The following TMEM154 variants were observed in gnomAD, a reference collection of about 807,000 sequenced individuals.
The protein encoded by TMEM154 is transmembrane protein 154.
TMEM154 carries 27 observed loss-of-function variants against 24.5 expected under a neutral mutation model. The observed-to-expected ratio is 1.10, with a 90% CI of 0.81 to 1.52. The LOEUF (loss-of-function observed/expected upper bound fraction) is 1.52. Among genes scored for constraint, TMEM154 ranks in the 40% most tolerant of loss-of-function variants. The probability of loss-of-function intolerance (pLI) is 0.00; values close to 1 mark genes in which losing one functional copy is unlikely to be tolerated. For missense variants in TMEM154, 228 were observed against 213.4 expected (o/e 1.07, Z -0.43); for synonymous variants, 67 against 76.8 (o/e 0.87, Z 0.67).
chr4:152,629,041 A>C (rs983295932), intron 6 of TMEM154, among the ~76,000 whole-genome samples: 1 of 152,210 alleles, frequency 6.6e-6, no homozygotes, highest in Non-Finnish European at 1.5e-5. Flanking sequence ...AATGGTGTCC[A>C]GCTTACAATT....
chr4:152,649,242 G>A (rs757140391), intron 3 of TMEM154, among the ~76,000 whole-genome samples: 4 of 152,182 alleles, frequency 2.6e-5, no homozygotes, highest in Admixed American at 6.5e-5. Flanking sequence ...TATTAGAGAC[G>A]TTCCTATCCT....
chr4:152,635,679 C>T (rs868338595), intron 6 of TMEM154, among the ~76,000 whole-genome samples: 2 of 152,124 alleles, frequency 1.3e-5, no homozygotes, highest in Non-Finnish European at 2.9e-5. Context: ...ATAATGACAT[C>T]GAGCTCAGAA....
At chr4:152,653,658 A>G (rs1481965628) in intron 1 of TMEM154, among the ~76,000 whole-genome samples, 6 of 151,840 alleles carry the variant, frequency 4.0e-5, no homozygotes, top group Admixed American at 3.9e-4. Context: ...CCAAAGTGCT[A>G]GAATTGCAGG....
chr4:152,672,423 C>T (rs1305151530), intron 1 of TMEM154, among the ~76,000 whole-genome samples: 1 of 152,124 alleles, frequency 6.6e-6, no homozygotes, highest in Non-Finnish European at 1.5e-5. Flanking sequence ...TCGTGAAGAT[C>T]AAGGATAAGA....
intron 1 of TMEM154, among the ~76,000 whole-genome samples, chr4:152,665,633 G>T (rs951636238): frequency 2.0e-5 from 3 of 152,152 alleles, no homozygotes; most frequent in African/African-American, 7.2e-5. Context: ...TAATAGAAGA[G>T]CTATCAGCAA....
intron 3 of TMEM154, among the ~76,000 whole-genome samples, chr4:152,650,050 G>A (rs1728343465): frequency 6.6e-6 from 1 of 152,124 alleles, no homozygotes; most frequent in South Asian, 2.1e-4. Flanking sequence ...TTTTTCTGGC[G>A]GAGGGTCTTG....
chr4:152,635,090 G>A (rs554126297), intron 6 of TMEM154, among the ~76,000 whole-genome samples: 1 of 152,292 alleles, frequency 6.6e-6, no homozygotes, highest in African/African-American at 2.4e-5. Context: ...AAAAAAATTA[G>A]AAGTGGTCAC....
chr4:152,635,150 G>A (rs1752124326), intron 6 of TMEM154, among the ~76,000 whole-genome samples: 1 of 152,214 alleles, frequency 6.6e-6, no homozygotes, highest in Non-Finnish European at 1.5e-5. Context: ...TAAAACTGCT[G>A]TTTTCTTGCA....
intron 1 of TMEM154, among the ~76,000 whole-genome samples, chr4:152,673,193 C>T (rs983881707): frequency 6.6e-6 from 1 of 151,892 alleles, no homozygotes; most frequent in Non-Finnish European, 1.5e-5. Context: ...CAATATATAG[C>T]GTAATTTTGG....
Position 152,628,585 on chromosome 4 carries a change from AAAAAAAAC to A in TMEM154, c.537-32_537-25del, listed in dbSNP as rs1317540232. 2.3e-4 allele frequency: 259 copies of A among 1,109,236 alleles called. 13 individuals are homozygous for A. The highest frequency in any genetic ancestry group is 5.2e-4 in the South Asian group (29 of 55,910). 68.7% of individuals were successfully genotyped at this position (1,109,236 alleles called of 1,614,324 possible). On this transcript the variant is annotated intron_variant, in intron 6 of 6. Transcript: ENST00000304385. ...CACTGTAAAAAAAAAAAAAAAAAAA[AAAAAAAAC>A]AAAAAAAACACACACACACACACAA...
chr4:152,662,026 G>A (rs529221284), intron 1 of TMEM154, among the ~76,000 whole-genome samples: 7 of 152,124 alleles, frequency 4.6e-5, no homozygotes, highest in Non-Finnish European at 8.8e-5. Context: ...TTCCATGACT[G>A]TATAGAGAGC....
chr4:152,630,383 A>G (rs565623883), intron 6 of TMEM154, among the ~76,000 whole-genome samples: 1 of 152,168 alleles, frequency 6.6e-6, no homozygotes, highest in South Asian at 2.1e-4. Flanking sequence ...AAACTTAGAA[A>G]TGTTTCATCT....
At chr4:152,639,662 G>C (rs1752218917) in intron 6 of TMEM154, 1 of 152,128 alleles carries the variant, frequency 6.6e-6, no homozygotes, top group African/African-American at 2.4e-5. Flanking sequence ...GCCCAGGCTG[G>C]AATGCAGTGG....
chr4:152,642,118 C>T (rs773344612), intron 5 of TMEM154, among the ~76,000 whole-genome samples: 16 of 151,570 alleles, frequency 1.1e-4, no homozygotes, highest in Non-Finnish European at 2.4e-4. Context: ...GGTGTTTCAC[C>T]ATGTTGGCCA....
chr4:152,672,038 T>G (rs1263314105), intron 1 of TMEM154, among the ~76,000 whole-genome samples: 1 of 148,896 alleles, frequency 6.7e-6, no homozygotes, highest in Non-Finnish European at 1.5e-5. Context: ...GAGGACGGCT[T>G]GAGCCCAAAA....
chr4:152,657,742 C>G (rs188282092), intron 1 of TMEM154, among the ~76,000 whole-genome samples: 1 of 151,962 alleles, frequency 6.6e-6, no homozygotes, highest in Non-Finnish European at 1.5e-5. Flanking sequence ...ATAAAGGAAC[C>G]CCTATCAGAC....
Position 152,679,937 on chromosome 4 carries a change from C to T in TMEM154, c.-4G>A, listed in dbSNP as rs1036563567. ...GGGCTGCGCGGGGAGCCTGCATGTC[C>T]GCTCGCCTCGGCAGAGGCGCGCTCA... On this transcript the variant is annotated 5_prime_UTR_variant, in exon 1 of 7. Transcript: ENST00000304385. 1.9e-6 allele frequency: 3 copies of T among 1,607,734 alleles called. No individual in the cohort carries two copies. The highest frequency in any genetic ancestry group is 4.5e-5 in the East Asian group (2 of 44,640).
rs879270896 is a variant in TMEM154 at position 152,625,237 on chromosome 4, T to C, written c.*3309A>G. On this transcript the variant is annotated 3_prime_UTR_variant, in exon 7 of 7. Coordinates refer to ENST00000304385, the MANE Select transcript of TMEM154 (RefSeq NM_152680.3). ...GCCTGGCTGTCAATATCAAGGTGGA[T>C]CCAGGCTGTTGGAACTGGTGGATCC... is the stretch of plus-strand genomic sequence containing the variant. The C allele has an allele frequency of 2.0e-5, 3 of 152,276 alleles. No homozygotes were observed. Among genetic ancestry groups the C allele is most frequent in the Non-Finnish European group, 4.4e-5 (3 of 68,074 alleles). 9.4% of individuals were successfully genotyped at this position (152,276 alleles called of 1,614,324 possible).
intron 3 of TMEM154, chr4:152,647,315 A>G: frequency 1.0e-6 from 1 of 985,276 alleles, no homozygotes; most frequent in Non-Finnish European, 1.2e-6. Flanking sequence ...CTTCCATGAT[A>G]GTTGTATTTT....
Sources: allele counts gnomAD v4.1 joint callset (sites outside exome capture counted in the v4.1 genomes callset), GRCh38; gene constraint gnomAD v4.1.1; transcripts MANE v1.5; gene names NCBI Gene and HGNC (gene_info 2026-07-23, HGNC 2026-07-21).